KDM7A: variants seen among roughly 807,000 people sequenced by gnomAD.
KDM7A encodes lysine demethylase 7A.
Under a neutral mutation model 114.8 loss-of-function variants are expected in KDM7A, and 28 were observed. The observed-to-expected ratio is 0.24, with a 90% CI of 0.18 to 0.33. The LOEUF (loss-of-function observed/expected upper bound fraction) is 0.33, where lower values mean the gene tolerates loss of function less well. Ranked by LOEUF, KDM7A falls within the 10% of genes least tolerant of loss-of-function variation. KDM7A has a pLI of 1.00. For missense variants in KDM7A, 942 were observed against 1,142.5 expected, an observed-to-expected ratio of 0.82 and a Z score of 2.53; for synonymous variants, 423 against 397.8, an observed-to-expected ratio of 1.06 and a Z score of -0.75.
chr7:140,097,608 A>T lies in KDM7A; in HGVS notation c.1953T>A (p.Ser651Arg), dbSNP rs777948966. Residue 651 changes from serine (S) to arginine (R), a missense_variant, in exon 15 of 20, where the codon AGT (serine) becomes AGA (arginine). By Grantham distance (110) the Ser-to-Arg change is moderately radical. This residue lies in a region of KDM7A where 512 missense variants were observed against 576.6 expected (regional missense o/e 0.89). Transcript: ENST00000397560. ...AAATATCAGAATATCCTGATGATCTACTCCTGAGTTCTGATTTCACACGTG... is the reference window on the plus strand; with the variant it reads ...AAATATCAGAATATCCTGATGATCTTCTCCTGAGTTCTGATTTCACACGTG... ...FFTRVKSELR[S>R]RSSGYSDISE... The T allele has an allele frequency of 7.5e-6, 12 of 1,606,828 alleles. No homozygotes were observed. The highest frequency in any genetic ancestry group is 1.0e-5 in the Non-Finnish European group (12 of 1,173,630).
At chr7:140,130,477 T>C (rs920969267) in intron 3 of KDM7A, among the ~76,000 whole-genome samples, 1 of 151,558 alleles carries the variant, frequency 6.6e-6, no homozygotes, top group Non-Finnish European at 1.5e-5. Context: ...AAAAATTAGC[T>C]GGGTGTGGTG....
chr7:140,134,763 T>C (rs1053021724), intron 2 of KDM7A, among the ~76,000 whole-genome samples: 1 of 152,192 alleles, frequency 6.6e-6, no homozygotes, highest in Non-Finnish European at 1.5e-5. Flanking sequence ...TTATAGGTGC[T>C]TGCTGTAAAA....
rs540155832 is a variant in KDM7A, at chr7:140,093,710, C to T, written c.2457+346G>A. ...CTCAAAGAAATTCAGTATCCAAAACCGTTCAAGAAACAGCATCAGAGATTA... is the reference window on the plus strand; with the variant it reads ...CTCAAAGAAATTCAGTATCCAAAACTGTTCAAGAAACAGCATCAGAGATTA... On this transcript the variant is annotated intron_variant, in intron 18 of 19. Coordinates refer to ENST00000397560, the MANE Select transcript of KDM7A (RefSeq NM_030647.2). Among the ~76,000 whole-genome samples, 495 of 152,240 alleles carry T rather than the reference C, an allele frequency of 3.3e-3. 1 individual carries two copies. Among genetic ancestry groups the T allele is most frequent in the Middle Eastern group, 0.017 (5 of 294 alleles).
Position 140,129,673 on chromosome 7 carries a change from TA to T in KDM7A, c.399-21del, listed in dbSNP as rs1387163800. 1.3e-6 allele frequency: 2 copies of T among 1,551,546 alleles called. No homozygotes were observed. The highest frequency in any genetic ancestry group is 1.8e-6 in the Non-Finnish European group (2 of 1,126,832). On this transcript the variant is annotated intron_variant, in intron 3 of 19. Coordinates refer to ENST00000397560, the MANE Select transcript of KDM7A (RefSeq NM_030647.2). ...TCGGCACTAAGGAAAAACATAAGAA[TA>T]AAAATGTCATTTTTATTGGTAAGGT...
intron 3 of KDM7A, among the ~76,000 whole-genome samples, chr7:140,130,348 G>A (rs189155604): frequency 3.3e-5 from 5 of 152,256 alleles, no homozygotes; most frequent in South Asian, 2.1e-4. Context: ...GGCCAGGCAC[G>A]GTGGCTCATG....
rs578125580 is a variant in KDM7A at position 140,103,282 on chromosome 7, C to T, written c.1429-1122G>A. 4.6e-5 allele frequency among the ~76,000 whole-genome samples: 7 copies of T among 151,850 alleles called. No individual in the cohort carries two copies. In the East Asian group the frequency reaches 1.4e-3, roughly 29 times the overall value. ...GCAAAATATCTTCAAGGTTCATCCA[C>T]GCTATACCATGTGTCAGCATTTCCT... On this transcript the variant is annotated intron_variant, in intron 11 of 19. Coordinates refer to ENST00000397560, the MANE Select transcript of KDM7A (RefSeq NM_030647.2).
In KDM7A at chr7:140,126,777, A is replaced by C; in HGVS notation, c.748T>G (p.Trp250Gly). 6.2e-7 allele frequency: 1 copy of C among 1,614,098 alleles called. No homozygotes were observed. The highest frequency in any genetic ancestry group is 8.5e-7 in the Non-Finnish European group (1 of 1,179,994). The change falls in exon 6 of 20, where the codon TGG becomes GGG. Residue 250 changes from tryptophan to glycine, a missense_variant. By Grantham distance (184) the Trp-to-Gly change is radical. Around this residue, in one of 4 missense-constraint regions of KDM7A, gnomAD observed 318 missense variants for 453.1 expected, o/e 0.70. Coordinates refer to ENST00000397560, the MANE Select transcript of KDM7A (RefSeq NM_030647.2). ...EVPDIAKKLS[W>G]VENYWPDDSV... ...TCATCTGGCCAATAATTTTCCACCC[A>C]GGAAAGTTTTTTGGCTATATCAGGG...
At position 140,086,023 on chromosome 7, in the gene KDM7A, A is replaced by G. The variant is rs1017891304; in HGVS notation, c.*5071T>C. On this transcript the variant is annotated 3_prime_UTR_variant, in exon 20 of 20. Transcript: ENST00000397560. ...TGTTTTGGTGAAAAATCTTGGAGGAAAACAGCTGACATTTTGAAAAAGAAA... is the reference window on the plus strand; with the variant it reads ...TGTTTTGGTGAAAAATCTTGGAGGAGAACAGCTGACATTTTGAAAAAGAAA... 3.9e-5 allele frequency: 6 copies of G among 152,218 alleles called. No homozygotes were observed. Among genetic ancestry groups the G allele is most frequent in the Non-Finnish European group, 7.3e-5 (5 of 68,032 alleles). 9.4% of individuals were successfully genotyped at this position (152,218 alleles called of 1,614,324 possible). A position where few individuals can be genotyped will look rare whatever the true frequency, so the allele number is the denominator to read the frequency against.
intron 3 of KDM7A, among the ~76,000 whole-genome samples, chr7:140,131,281 C>A (rs773094205): frequency 6.6e-6 from 1 of 152,122 alleles, no homozygotes; most frequent in African/African-American, 2.4e-5. Context: ...GGAGTTTGTC[C>A]CTTTGCCCAC....
chr7:140,176,348 C>G lies in KDM7A; in HGVS notation c.194+396G>C, dbSNP rs1374850883. Among the ~76,000 whole-genome samples the G allele has an allele frequency of 7.2e-6, 1 of 139,454 alleles. No homozygotes were observed. Among genetic ancestry groups the G allele is most frequent in the Non-Finnish European group, 1.6e-5 (1 of 64,266 alleles). 91.5% of individuals were successfully genotyped at this position (139,454 alleles called of 152,430 possible). On this transcript the variant is annotated intron_variant, in intron 1 of 19. Transcript: ENST00000397560. This position sits in a 1 kb window ranked among gnomAD's most constrained non-coding sequence, Gnocchi z 4.4. ...CGGCGACTCCGGCCGGAGCCCCGGG[C>G]GCGGCGGGGCGGGGCGGGGCGGCGG...
intron 2 of KDM7A, among the ~76,000 whole-genome samples, chr7:140,136,318 T>C (rs1050594794): frequency 1.3e-5 from 2 of 152,218 alleles, no homozygotes; most frequent in African/African-American, 2.4e-5. Flanking sequence ...TGCCAATCAC[T>C]ATCATTTCCT....
At chr7:140,152,704 G>A (rs1454743835) in intron 1 of KDM7A, among the ~76,000 whole-genome samples, 1 of 151,942 alleles carries the variant, frequency 6.6e-6, no homozygotes, top group Non-Finnish European at 1.5e-5. Context: ...TGAGTTGCCA[G>A]GAAAGGTCAA....
At chr7:140,167,919 G>A (rs1259128480) in intron 1 of KDM7A, among the ~76,000 whole-genome samples, 1 of 151,838 alleles carries the variant, frequency 6.6e-6, no homozygotes, top group Non-Finnish European at 1.5e-5. Flanking sequence ...AAATATTGAG[G>A]GACAAAGGAC....
At chr7:140,137,433 C>T (rs1384367350) in intron 2 of KDM7A, among the ~76,000 whole-genome samples, 1 of 152,166 alleles carries the variant, frequency 6.6e-6, no homozygotes, top group Non-Finnish European at 1.5e-5. Context: ...GGACTGTATA[C>T]TTAAATTCTA....
Position 140,176,791 on chromosome 7 carries a change from G to C in KDM7A, c.147C>G (p.Asn49Lys). ...AGATATCGCACTCGATCATGAAGCG[G>C]TTCACGTCGTACGGCTGCCGGCACA... is the stretch of plus-strand genomic sequence containing the variant. ...YCVCRQPYDVNRFMIECDICK... is the reference protein window; with the variant it reads ...YCVCRQPYDVKRFMIECDICK... The change falls in exon 1 of 20, where the codon AAC (asparagine) becomes AAG (lysine). Residue 49 changes from asparagine (N) to lysine (K), a missense_variant. Transcript: ENST00000397560. The surrounding 1 kb of genome is among the most constrained non-coding windows in gnomAD (Gnocchi z 4.4). The C allele has an allele frequency of 7.0e-7, 1 of 1,423,020 alleles. No individual in the cohort carries two copies. Among genetic ancestry groups the C allele is most frequent in the Non-Finnish European group, 9.4e-7 (1 of 1,067,092 alleles). The allele number at this position is 1,423,020 out of a possible 1,614,324, so 88.1% of individuals were successfully genotyped here.
At chr7:140,109,089 C>T (rs1458826775) in intron 11 of KDM7A, among the ~76,000 whole-genome samples, 2 of 152,176 alleles carry the variant, frequency 1.3e-5, no homozygotes, top group Non-Finnish European at 2.9e-5. Flanking sequence ...ATATAACGTC[C>T]TGATGTGCTG....
chr7:140,161,527 T>C (rs916382310), intron 1 of KDM7A, among the ~76,000 whole-genome samples: 1 of 152,190 alleles, frequency 6.6e-6, no homozygotes, highest in Non-Finnish European at 1.5e-5. Context: ...TTTTTAGTTT[T>C]GTTTTTTCGT....
chr7:140,153,547 T>C (rs1459552436), intron 1 of KDM7A, among the ~76,000 whole-genome samples: 3 of 151,714 alleles, frequency 2.0e-5, no homozygotes, highest in Non-Finnish European at 4.4e-5. Flanking sequence ...ATTTTAATAA[T>C]CAATGGGGGA....
chr7:140,137,840 C>G (rs1818895615), intron 2 of KDM7A, among the ~76,000 whole-genome samples: 1 of 152,036 alleles, frequency 6.6e-6, no homozygotes, highest in Admixed American at 6.5e-5. Flanking sequence ...AACAAAATGT[C>G]TACTCTATTG....
Sources: allele counts gnomAD v4.1 joint callset (sites outside exome capture counted in the v4.1 genomes callset), GRCh38; gene constraint gnomAD v4.1.1; regional missense constraint gnomAD v4.1.1; non-coding constraint Gnocchi (gnomAD v3.1); transcripts MANE v1.5; gene names NCBI Gene and HGNC (gene_info 2026-07-23, HGNC 2026-07-21).